Variants in AGBL4 observed in about 807,000 individuals in gnomAD.
The protein encoded by AGBL4 is AGBL carboxypeptidase 4, also known as cytosolic carboxypeptidase 6.
In AGBL4, 58 loss-of-function variants were observed where a neutral mutation model predicts 66.4. That is an observed-to-expected ratio of 0.87 (90% CI 0.71 to 1.09). AGBL4 has a LOEUF of 1.09. Among genes scored for constraint, AGBL4 ranks in the 50% least tolerant of loss-of-function variants. The probability of loss-of-function intolerance (pLI) is 0.00; values close to 1 mark genes in which losing one functional copy is unlikely to be tolerated. For synonymous variants in AGBL4, 234 were observed against 222.9 expected, an observed-to-expected ratio of 1.05 and a Z score of -0.44; for missense variants, 579 against 631.0, an observed-to-expected ratio of 0.92 and a Z score of 0.88.
intron 1 of AGBL4, among the ~76,000 whole-genome samples, chr1:49,852,560 G>A (rs182823165): frequency 6.6e-6 from 1 of 152,176 alleles, no homozygotes. Flanking sequence ...AATAGGAAAG[G>A]CATGAAGTCT....
At chr1:49,257,121 C>T (rs1298821793) in intron 3 of AGBL4, among the ~76,000 whole-genome samples, 2 of 151,104 alleles carry the variant, frequency 1.3e-5, no homozygotes, top group African/African-American at 4.9e-5. Flanking sequence ...AAAAAAAATA[C>T]TATGCAAAAC....
At chr1:49,705,111 G>A (rs1361953393) in intron 2 of AGBL4, among the ~76,000 whole-genome samples, 1 of 152,088 alleles carries the variant, frequency 6.6e-6, no homozygotes, top group Non-Finnish European at 1.5e-5. Flanking sequence ...TTGAGCAGTG[G>A]TTTGTAGTTC....
chr1:49,114,694 C>T (rs1004990559), intron 4 of AGBL4, among the ~76,000 whole-genome samples: 1 of 152,076 alleles, frequency 6.6e-6, no homozygotes, highest in African/African-American at 2.4e-5. Context: ...CACTCAGAGA[C>T]CACTGGAGGG....
chr1:48,972,186 C>A (rs778432934), intron 5 of AGBL4, among the ~76,000 whole-genome samples: 6 of 152,120 alleles, frequency 3.9e-5, no homozygotes, highest in Admixed American at 3.9e-4. Context: ...AAAGTCCCCA[C>A]GCCTAGTTGC....
At chr1:48,630,482 A>G (rs995278023) in intron 9 of AGBL4, among the ~76,000 whole-genome samples, 15 of 152,022 alleles carry the variant, frequency 9.9e-5, no homozygotes, top group Admixed American at 9.8e-4. Flanking sequence ...CGGCTGCCCA[A>G]GTCAAAACCA....
chr1:49,549,067 G>A (rs76359806), intron 3 of AGBL4, among the ~76,000 whole-genome samples: 4,165 of 151,672 alleles, frequency 0.027, 162 homozygotes, highest in African/African-American at 0.095. Context: ...CATAAACTAG[G>A]TTTCCTAGTT....
chr1:49,414,670 G>A (rs1341614338), intron 3 of AGBL4, among the ~76,000 whole-genome samples: 1 of 152,158 alleles, frequency 6.6e-6, no homozygotes, highest in Non-Finnish European at 1.5e-5. Flanking sequence ...TCTTTAAGAA[G>A]CCATGAAGAA....
intron 11 of AGBL4, among the ~76,000 whole-genome samples, chr1:48,562,177 C>T (rs1316626366): frequency 1.3e-5 from 2 of 152,176 alleles, no homozygotes; most frequent in Admixed American, 6.5e-5. Flanking sequence ...CAACCACACC[C>T]AACTTTTCAT....
At chr1:49,446,492 C>G (rs926935458) in intron 3 of AGBL4, among the ~76,000 whole-genome samples, 4 of 152,122 alleles carry the variant, frequency 2.6e-5, no homozygotes, top group Admixed American at 2.0e-4. Context: ...CTCAGGGAAT[C>G]AGGGTGCAGT....
intron 3 of AGBL4, among the ~76,000 whole-genome samples, chr1:49,348,513 A>C (rs563281862): frequency 1.3e-5 from 2 of 152,346 alleles, no homozygotes; most frequent in Middle Eastern, 3.4e-3. Flanking sequence ...AAGGTGCTGT[A>C]AAGATGAAGG....
chr1:48,811,238 G>A (rs11205545), intron 6 of AGBL4, among the ~76,000 whole-genome samples: 123,651 of 151,872 alleles, frequency 0.81, 53,241 homozygotes, highest in Non-Finnish European at 0.96. Flanking sequence ...CAGGTCAAAC[G>A]CATGTGTGTC....
chr1:49,155,288 C>T (rs377052010), intron 4 of AGBL4, among the ~76,000 whole-genome samples: 38 of 152,218 alleles, frequency 2.5e-4, no homozygotes, highest in African/African-American at 9.1e-4. Flanking sequence ...AATGTGCATC[C>T]AACCCTAAAA....
intron 1 of AGBL4, among the ~76,000 whole-genome samples, chr1:49,939,674 C>T (rs1289982041): frequency 1.3e-5 from 2 of 152,150 alleles, no homozygotes; most frequent in Non-Finnish European, 2.9e-5. Context: ...AATTGGATCC[C>T]TTCCTTACAC....
chr1:49,095,976 A>C (rs1435343959), intron 4 of AGBL4, among the ~76,000 whole-genome samples: 130 of 151,874 alleles, frequency 8.6e-4, no homozygotes, highest in African/African-American at 2.9e-3. Context: ...CTACAATGAA[A>C]TCAAACAAAT....
intron 9 of AGBL4, 120 bp from the exon 10 acceptor site, chr1:48,591,105 C>T: frequency 1.2e-6 from 1 of 822,244 alleles, no homozygotes; most frequent in Non-Finnish European, 1.8e-6. Flanking sequence ...CCCCCACACA[C>T]ACACACACAT....
At chr1:49,474,710 G>T (rs1173582933) in intron 3 of AGBL4, among the ~76,000 whole-genome samples, 1 of 151,954 alleles carries the variant, frequency 6.6e-6, no homozygotes, top group African/African-American at 2.4e-5. Context: ...AATCTTCAGG[G>T]TTTTATAGGT....
chr1:49,547,156 A>G (rs1652553893), intron 3 of AGBL4, among the ~76,000 whole-genome samples: 1 of 152,152 alleles, frequency 6.6e-6, no homozygotes, highest in African/African-American at 2.4e-5. Flanking sequence ...TTAATCCTTA[A>G]TCCATCTTGT....
At position 48,906,047 on chromosome 1, in the gene AGBL4, G is replaced by T. The variant is rs141434663; in HGVS notation, c.595-38817C>A. 5.9e-3 allele frequency among the ~76,000 whole-genome samples: 895 copies of T among 152,236 alleles called. 6 individuals carry two copies. Among genetic ancestry groups the T allele is most frequent in the African/African-American group, 0.021 (858 of 41,534 alleles). On this transcript the variant is annotated intron_variant, in intron 5 of 13. Coordinates refer to ENST00000371839, the MANE Select transcript of AGBL4 (RefSeq NM_032785.4). ...AAAATTTATAGGATTTTAAGGTAGT[G>T]CTAAGTGTCACGAAGCAAATCAAAA...
chr1:49,149,934 C>T (rs1646295049), intron 4 of AGBL4, among the ~76,000 whole-genome samples: 2 of 152,200 alleles, frequency 1.3e-5, no homozygotes, highest in Non-Finnish European at 2.9e-5. Flanking sequence ...ACTTCACATG[C>T]ACTCATTGAA....
Sources: gnomAD v4.1 joint callset for allele counts (sites outside exome capture counted in the v4.1 genomes callset) on GRCh38, gnomAD v4.1.1 for gene constraint, MANE v1.5 for transcripts, NCBI Gene and HGNC (gene_info 2026-07-23, HGNC 2026-07-21) for gene names.